Variants in MRC2 observed in about 807,000 individuals in gnomAD.
MRC2 encodes mannose receptor C-type 2.
In MRC2, 84 loss-of-function variants were observed where a neutral mutation model predicts 206.2. The observed-to-expected ratio is 0.41, with a 90% confidence interval of 0.34 to 0.49. The LOEUF (loss-of-function observed/expected upper bound fraction) is 0.49. Ranked by LOEUF, MRC2 falls within the 20% of genes least tolerant of loss-of-function variation. The probability of loss-of-function intolerance (pLI) is 0.31; values close to 1 mark genes in which losing one functional copy is unlikely to be tolerated. For missense variants in MRC2, 1,676 were observed against 2,001.5 expected (o/e 0.84, Z 3.10); for synonymous variants, 798 against 800.0 (o/e 1.00, Z 0.04).
At chr17:62,679,988 G>A in intron 14 of MRC2, 86 bp downstream of exon 14, 1 of 1,456,796 alleles carries the variant, frequency 6.9e-7, no homozygotes, top group Non-Finnish European at 9.3e-7. Context: ...AGGTGGGCGG[G>A]TTTTCTTGAG....
chr17:62,673,957 C>T (rs1233328171), intron 8 of MRC2, 106 bp from the exon 9 acceptor site: 6 of 855,036 alleles, frequency 7.0e-6, no homozygotes, highest in African/African-American at 1.7e-5. Context: ...CAGAATCACA[C>T]AGTAAGTCAG....
chr17:62,679,110 A>T (rs1333468435), intron 13 of MRC2, among the ~76,000 whole-genome samples: 1 of 152,162 alleles, frequency 6.6e-6, no homozygotes, highest in African/African-American at 2.4e-5. Flanking sequence ...TCCCTCTGAG[A>T]CACCACCTCT....
chr17:62,688,235 G>C, intron 20 of MRC2, 54 bp from the exon 21 acceptor site: 1 of 1,539,778 alleles, frequency 6.5e-7, no homozygotes, highest in Non-Finnish European at 9.0e-7. Context: ...GCCTTTCTGG[G>C]TTTGTGGATG....
At chr17:62,684,806 C>T (rs1307469666) in intron 20 of MRC2, among the ~76,000 whole-genome samples, 2 of 152,342 alleles carry the variant, frequency 1.3e-5, no homozygotes, top group African/African-American at 2.4e-5. Context: ...CAGCCAGCCT[C>T]TTAGTGTCAT....
chr17:62,628,528 G>A (rs886388367), intron 1 of MRC2, among the ~76,000 whole-genome samples: 2 of 152,208 alleles, frequency 1.3e-5, no homozygotes, highest in Admixed American at 6.5e-5. Context: ...GGAGGCTCCT[G>A]CCACTGGGAC....
chr17:62,651,757 A>G (rs1287268200), intron 1 of MRC2, among the ~76,000 whole-genome samples: 1 of 151,914 alleles, frequency 6.6e-6, no homozygotes, highest in African/African-American at 2.4e-5. Context: ...TTTTTATTAG[A>G]GATGGAGTTT....
chr17:62,689,471 A>C, intron 23 of MRC2, 51 bp from the exon 24 acceptor site: 1 of 1,261,852 alleles, frequency 7.9e-7, no homozygotes, highest in Non-Finnish European at 1.1e-6. Context: ...GTGCCTGGGA[A>C]CGGGGTGAGG....
chr17:62,661,122 C>T (rs996575245), intron 1 of MRC2, among the ~76,000 whole-genome samples: 1 of 152,068 alleles, frequency 6.6e-6, no homozygotes, highest in African/African-American at 2.4e-5. Context: ...CAGGCTTGTT[C>T]AAGGAAGAAC....
chr17:62,648,388 C>G (rs1055664947), intron 1 of MRC2, among the ~76,000 whole-genome samples: 6 of 152,218 alleles, frequency 3.9e-5, no homozygotes, highest in Non-Finnish European at 1.5e-5. Context: ...GTCAACTCCT[C>G]CCGTCCCAGT....
Position 62,639,355 on chromosome 17 carries a change from TAAAC to T in MRC2, c.118+11443_118+11446del, listed in dbSNP as rs1164264094. Among the ~76,000 whole-genome samples, 57 of 115,020 alleles carry T rather than the reference TAAAC, an allele frequency of 5.0e-4. 1 individual carries two copies. The South Asian group carries it at 0.01, about 21-fold the overall frequency. 75.5% of individuals were successfully genotyped at this position (115,020 alleles called of 152,430 possible). A position where few individuals can be genotyped will look rare whatever the true frequency, so the allele number is the denominator to read the frequency against. ...TGAGACTTTGTCTTAAATAAATAAA[TAAAC>T]AAACAAAGTGCAAGGATCACTGGAA... On this transcript the variant is annotated intron_variant, in intron 1 of 29. Coordinates refer to ENST00000303375, the MANE Select transcript of MRC2 (RefSeq NM_006039.5).
Position 62,680,140 on chromosome 17 carries a change from G to A in MRC2, c.2299-30G>A, listed in dbSNP as rs1206205624. The stretch of plus-strand genomic sequence containing the variant: ...GGGCGGCCTGCACCTTGCGCCTCAC[G>A]TTCCTCTTCCCTCCACCCGCCTCCT... On this transcript the variant is annotated intron_variant, in intron 14 of 29. Transcript: ENST00000303375. The surrounding 1 kb of genome is among the most constrained non-coding windows in gnomAD (Gnocchi z 4.8). 1.9e-6 allele frequency: 3 copies of A among 1,613,606 alleles called. No homozygotes were observed. The highest frequency in any genetic ancestry group is 4.5e-5 in the East Asian group (2 of 44,880).
Position 62,671,957 on chromosome 17 carries a change from C to G in MRC2, c.1307-41C>G. 1 of 1,613,762 alleles carries G rather than the reference C, an allele frequency of 6.2e-7. No individual in the cohort carries two copies. The highest frequency in any genetic ancestry group is 8.5e-7 in the Non-Finnish European group (1 of 1,179,758). On this transcript the variant is annotated intron_variant, in intron 7 of 29. Transcript: ENST00000303375. This position sits in a 1 kb window ranked among gnomAD's most constrained non-coding sequence, Gnocchi z 4.5. ...CCCTACTGGTGGCTGAGGCTGACCT[C>G]TCAATGTTTTCTCTCCCCTCCTCTC...
intron 28 of MRC2, 121 bp downstream of exon 28, chr17:62,691,249 C>A: frequency 8.5e-7 from 1 of 1,175,852 alleles, no homozygotes; most frequent in Non-Finnish European, 1.2e-6. Flanking sequence ...CTGAACAGAA[C>A]GGACTGCGGG....
rs1210730411 is a variant in MRC2 at position 62,638,514 on chromosome 17, C to T, written c.118+10594C>T. On this transcript the variant is annotated intron_variant, in intron 1 of 29. Coordinates refer to ENST00000303375, the MANE Select transcript of MRC2 (RefSeq NM_006039.5). ...CAGCCCTTTGGGAGGCCAAGGTGGG[C>T]GGATCACGAGGTCAGGAGTTCGAGA... Among the ~76,000 whole-genome samples, 5 of 151,796 alleles carry T rather than the reference C, an allele frequency of 3.3e-5. No homozygotes were observed. In the South Asian group the frequency reaches 1.0e-3, roughly 32 times the overall value.
In MRC2 at chr17:62,690,286, G is replaced by C; in HGVS notation, c.3873G>C (p.Ala1291=). The C allele has an allele frequency of 6.2e-7, 1 of 1,611,764 alleles. No homozygotes were observed. Residue 1291 remains alanine, a synonymous_variant, in exon 26 of 30, where the codon GCG becomes GCC. Transcript: ENST00000303375. ...HMELLLGHKE[A]RQRCQRAGGA... ...AGCTGCTGCTGGGCCACAAGGAGGCGCGACAGCGCTGCCAGAGAGGTGGGT... is the reference window on the plus strand; with the variant it reads ...AGCTGCTGCTGGGCCACAAGGAGGCCCGACAGCGCTGCCAGAGAGGTGGGT...
rs1431068279 is a variant in MRC2, at chr17:62,692,033, G to T, written c.4193-79G>T. The T allele has an allele frequency of 2.5e-6, 4 of 1,599,462 alleles. No individual in the cohort carries two copies. The African/African-American group carries it at 4.0e-5, about 16-fold the overall frequency. ...TCCCCAGACCTCCCGGCCCAGGCCT[G>T]TGTGCTTTGTATGTTTACTTAAGTG... On this transcript the variant is annotated intron_variant, in intron 28 of 29. Transcript: ENST00000303375. This position sits in a 1 kb window ranked among gnomAD's most constrained non-coding sequence, Gnocchi z 4.2.
intron 11 of MRC2, 137 bp from the exon 12 acceptor site, chr17:62,677,132 C>G (rs1269640196): frequency 1.0e-5 from 7 of 693,902 alleles, no homozygotes; most frequent in Non-Finnish European, 1.7e-5. Flanking sequence ...TGGCTCCAAC[C>G]CCAGAGAGCA....
intron 28 of MRC2, 71 bp downstream of exon 28, chr17:62,691,199 G>C (rs373160158): frequency 1.7e-5 from 25 of 1,495,204 alleles, no homozygotes; most frequent in Non-Finnish European, 2.7e-6. Flanking sequence ...GGGGCTGGGG[G>C]CTGCTTCACA....
chr17:62,656,206 C>A (rs936271659), intron 1 of MRC2, among the ~76,000 whole-genome samples: 2 of 152,154 alleles, frequency 1.3e-5, no homozygotes, highest in African/African-American at 4.8e-5. Flanking sequence ...GCCACCATGC[C>A]CCGCTAATTT....
Sources: allele counts gnomAD v4.1 joint callset (sites outside exome capture counted in the v4.1 genomes callset), GRCh38; gene constraint gnomAD v4.1.1; non-coding constraint Gnocchi (gnomAD v3.1); transcripts MANE v1.5; gene names NCBI Gene and HGNC (gene_info 2026-07-23, HGNC 2026-07-21).